The following SSBP4 variants were observed in gnomAD, a reference collection of about 807,000 sequenced individuals.
SSBP4 encodes the protein single stranded DNA binding protein 4.
In SSBP4, 33 loss-of-function variants were observed where a neutral mutation model predicts 64.6. The ratio of observed to expected loss-of-function variants is 0.51; its 90% CI spans 0.39 to 0.68. The LOEUF is 0.68. SSBP4 is among the 30% of genes least tolerant of loss of function. The pLI is 0.00. For missense variants in SSBP4, 583 were observed against 566.8 expected (o/e 1.03, Z -0.29); for synonymous variants, 243 against 224.0 (o/e 1.08, Z -0.76).
the SSBP4 span, among the ~76,000 whole-genome samples, chr19:18,404,126 A>G: frequency 6.6e-6 from 1 of 152,116 alleles, no homozygotes; most frequent in Admixed American, 6.5e-5. Flanking sequence ...ACACCTAGGG[A>G]CACTCAGAAA....
At chr19:18,425,847 C>G (rs569158090) in intron 1 of SSBP4, 3 of 152,568 alleles carry the variant, frequency 2.0e-5, no homozygotes, top group South Asian at 2.1e-4. Context: ...GTCACCCCCC[C>G]ACTTGCCTTT....
rs367852021 is a variant in SSBP4, at chr19:18,433,050, G to A, written c.912+7G>A. On this transcript the variant is annotated splice_region_variant and intron_variant, in intron 14 of 17. Transcript: ENST00000270061. ...GGGCGCCGGCAGGGCTAATGTGAGT[G>A]GGGGCTTGCAGGGGTGCTTCTCGAG... The A allele has an allele frequency of 1.9e-6, 3 of 1,614,024 alleles. No individual in the cohort carries two copies. Among genetic ancestry groups the A allele is most frequent in the Non-Finnish European group, 1.7e-6 (2 of 1,180,000 alleles).
At chr19:18,404,470 T>C in the SSBP4 span, among the ~76,000 whole-genome samples, 2 of 151,700 alleles carry the variant, frequency 1.3e-5, no homozygotes, top group Non-Finnish European at 2.9e-5. Context: ...AGTGCACGCC[T>C]GTAATTCCAG....
At chr19:18,422,514 C>T (rs1972534255) in intron 1 of SSBP4, among the ~76,000 whole-genome samples, 1 of 152,238 alleles carries the variant, frequency 6.6e-6, no homozygotes, top group African/African-American at 2.4e-5. Flanking sequence ...TGGAAAACGC[C>T]AGATGGCCGC....
chr19:18,431,044 GGAGGGTCCTCTGT>G (rs1973323428), intron 5 of SSBP4, 114 bp downstream of exon 5: 1 of 1,268,454 alleles, frequency 7.9e-7, no homozygotes, highest in East Asian at 2.5e-5. Flanking sequence ...GAGTTGGGTG[GGAGGGTCCTCTGT>G]GCCGCAGGTG....
chr19:18,429,255 G>A (rs1284805902), intron 4 of SSBP4, among the ~76,000 whole-genome samples: 1 of 151,966 alleles, frequency 6.6e-6, no homozygotes, highest in East Asian at 1.9e-4. Flanking sequence ...GGCGGGGGGG[G>A]CTCTGTTCGC....
chr19:18,405,671 G>T, the SSBP4 span, among the ~76,000 whole-genome samples: 2 of 151,312 alleles, frequency 1.3e-5, no homozygotes, highest in Non-Finnish European at 2.9e-5. Flanking sequence ...ACCATGCCTG[G>T]CTAATTATCT....
At position 18,432,897 on chromosome 19, in the gene SSBP4, A is replaced by G. The variant is rs1405474816; in HGVS notation, c.841+14A>G. The G allele has an allele frequency of 1.2e-6, 2 of 1,613,912 alleles. No homozygotes were observed. The highest frequency in any genetic ancestry group is 8.5e-7 in the Non-Finnish European group (1 of 1,179,890). The stretch of plus-strand genomic sequence containing the variant: ...CTAGCCCTGGAGGTATGGCCTAGTA[A>G]GAGGTGGGGGTGTGCTAGGGTGGGT... On this transcript the variant is annotated intron_variant, in intron 13 of 17. Coordinates refer to ENST00000270061, the MANE Select transcript of SSBP4 (RefSeq NM_032627.5).
the SSBP4 span, among the ~76,000 whole-genome samples, chr19:18,409,471 G>A: frequency 6.6e-6 from 1 of 152,058 alleles, no homozygotes; most frequent in Admixed American, 6.6e-5. Context: ...ACAGGCGTGA[G>A]CCATGGCGAC....
rs747981452 is a variant in SSBP4 at position 18,432,851 on chromosome 19, C to G, written c.809C>G (p.Pro270Arg). The part of the protein sequence containing the change: ...SYTGPPGGGG[P>R]PGTPIMPSPG... ...CAGGGACCCCCAGGAGGAGGTGGGC[C>G]CCCTGGAACACCCATCATGCCTAGC... Residue 270 changes from proline to arginine, a missense_variant, in exon 13 of 18, where the codon CCC (proline) becomes CGC (arginine). Transcript: ENST00000270061. 3.1e-6 allele frequency: 5 copies of G among 1,613,808 alleles called. No individual in the cohort carries two copies. Among genetic ancestry groups the G allele is most frequent in the Non-Finnish European group, 3.4e-6 (4 of 1,179,948 alleles).
At chr19:18,409,789 G>A in the SSBP4 span, among the ~76,000 whole-genome samples, 86 of 152,182 alleles carry the variant, frequency 5.7e-4, no homozygotes, top group African/African-American at 2.0e-3. Context: ...CAAATGCTGA[G>A]ATTACAGGCA....
chr19:18,433,258 G>T (rs780042567), intron 15 of SSBP4, 45 bp downstream of exon 15: 12 of 1,533,960 alleles, frequency 7.8e-6, no homozygotes, highest in South Asian at 6.0e-5. Context: ...TTCCGGGCCC[G>T]TGCGCTCCCT....
At chr19:18,428,056 T>TGGGGGGCTGGGGGTGGGGGTGGGGGGGG in intron 4 of SSBP4, 74 bp downstream of exon 4, 1 of 444,262 alleles carries the variant, frequency 2.3e-6, no homozygotes, top group Non-Finnish European at 3.7e-6. Context: ...GGAGGTGGGG[T>TGGGGGGCTGGGGGTGGGGGTGGGGGGGG]GGGGGGCTGC....
the SSBP4 span, among the ~76,000 whole-genome samples, chr19:18,412,851 C>T: frequency 6.6e-6 from 1 of 152,168 alleles, no homozygotes; most frequent in Admixed American, 6.5e-5. Flanking sequence ...AAGCAGAGCG[C>T]TGGGTGCACG....
chr19:18,428,783 C>T lies in SSBP4; in HGVS notation c.279+801C>T, dbSNP rs941166562. On this transcript the variant is annotated intron_variant, in intron 4 of 17. Transcript: ENST00000270061. ...TGTCTCTGAAGATGCCTCCAGCACT[C>T]TGCATGAGAGCTGGGCAGGCTGAAG... 1.3e-4 allele frequency among the ~76,000 whole-genome samples: 20 copies of T among 152,318 alleles called. No homozygotes were observed. In the Middle Eastern group the frequency reaches 0.017, roughly 130 times the overall value.
intron 1 of SSBP4, among the ~76,000 whole-genome samples, chr19:18,421,675 G>A (rs1172953251): frequency 6.6e-6 from 1 of 152,210 alleles, no homozygotes. Context: ...CAAAGGCCCT[G>A]ATATGGGACC....
At chr19:18,406,834 G>A in the SSBP4 span, among the ~76,000 whole-genome samples, 1 of 151,984 alleles carries the variant, frequency 6.6e-6, no homozygotes, top group African/African-American at 2.4e-5. Context: ...TAGGTGTAAT[G>A]ACCATGAGTC....
upstream of SSBP4, among the ~76,000 whole-genome samples, chr19:18,417,670 G>A (rs948958946): frequency 6.6e-6 from 1 of 152,202 alleles, no homozygotes; most frequent in South Asian, 2.1e-4. This position sits in a 1 kb window ranked among gnomAD's most constrained non-coding sequence, Gnocchi z 5.4. Flanking sequence ...CTACCCCGCC[G>A]AGCCGGGGCC....
chr19:18,402,735 C>T, the SSBP4 span, among the ~76,000 whole-genome samples: 3 of 152,128 alleles, frequency 2.0e-5, no homozygotes, highest in Admixed American at 6.6e-5. Flanking sequence ...TCTCCATTCT[C>T]GAGTAACCAG....
Sources: allele counts gnomAD v4.1 joint callset (sites outside exome capture counted in the v4.1 genomes callset), GRCh38; gene constraint gnomAD v4.1.1; non-coding constraint Gnocchi (gnomAD v3.1); transcripts MANE v1.5; gene names NCBI Gene and HGNC (gene_info 2026-07-23, HGNC 2026-07-21).